The following BTD variants were observed in gnomAD, a reference collection of about 807,000 sequenced individuals.
The protein encoded by BTD is biotinidase.
In BTD, 13 loss-of-function variants were observed where a neutral mutation model predicts 17.7. That is an observed-to-expected ratio of 0.74 (90% confidence interval 0.48 to 1.17). The LOEUF is 1.17. BTD is among the 50% of genes most tolerant of loss of function. The probability of loss-of-function intolerance (pLI) is 0.00; values close to 1 mark genes in which losing one functional copy is unlikely to be tolerated. For missense variants in BTD, 674 were observed against 650.4 expected, an observed-to-expected ratio of 1.04 and a Z score of -0.39; for synonymous variants, 240 against 245.2, an observed-to-expected ratio of 0.98 and a Z score of 0.20.
exon 4 of BTD, among the ~76,000 whole-genome samples, chr3:15,712,431 A>G (rs917912624): frequency 2.0e-5 from 3 of 152,234 alleles, no homozygotes; most frequent in Non-Finnish European, 2.9e-5. Context: ...CACCTTCAGC[A>G]CTACTGTCAT....
At chr3:15,601,591 C>T (rs1421980831), upstream of BTD, 1 of 1,584,394 alleles carries the variant, frequency 6.3e-7, no homozygotes, top group Non-Finnish European at 8.6e-7. Context: ...GGGCAACCAA[C>T]TGCCTTAAAC....
chr3:15,700,221 C>T (rs111291195), intron 3 of BTD, among the ~76,000 whole-genome samples: 16 of 152,298 alleles, frequency 1.1e-4, no homozygotes, highest in African/African-American at 3.9e-4. Context: ...ACACACAACT[C>T]TCACTCTTAA....
Position 15,601,764 on chromosome 3 carries a change from A to G in BTD, c.-147A>G. The G allele has an allele frequency of 6.2e-7, 1 of 1,606,978 alleles. No homozygotes were observed. Among genetic ancestry groups the G allele is most frequent in the African/African-American group, 1.3e-5 (1 of 75,026 alleles). On this transcript the variant is annotated 5_prime_UTR_variant, in exon 1 of 4. Transcript: ENST00000643237. ...ACTAGCAGGAGATTGCTGCCTATGC[A>G]AAGCAGGTAAGAAGCCGAACTCTGA...
At chr3:15,617,583 G>A (rs1428914371) in intron 1 of BTD, among the ~76,000 whole-genome samples, 1 of 152,186 alleles carries the variant, frequency 6.6e-6, no homozygotes, top group Non-Finnish European at 1.5e-5. Flanking sequence ...GTTAACTATA[G>A]CCTGGTGTGC....
chr3:15,676,296 T>C (rs938089060), intron 3 of BTD: 6 of 246,870 alleles, frequency 2.4e-5, no homozygotes, highest in Non-Finnish European at 4.6e-5. Context: ...ACCATTGAAA[T>C]TGCATTCCTC....
chr3:15,614,931 C>A (rs1224129849), intron 1 of BTD, among the ~76,000 whole-genome samples: 2 of 152,112 alleles, frequency 1.3e-5, no homozygotes, highest in Non-Finnish European at 2.9e-5. Context: ...TTTTAGAGTC[C>A]TCTGAGTACT....
intron 3 of BTD, among the ~76,000 whole-genome samples, chr3:15,700,130 C>G (rs553199711): frequency 4.6e-5 from 7 of 152,336 alleles, no homozygotes; most frequent in Admixed American, 2.0e-4. Flanking sequence ...CAAACTATCA[C>G]AAGATCAGAA....
At chr3:15,614,868 A>G (rs1336105508) in intron 1 of BTD, among the ~76,000 whole-genome samples, 1 of 152,108 alleles carries the variant, frequency 6.6e-6, no homozygotes, top group Non-Finnish European at 1.5e-5. Context: ...AAGTGCTGGG[A>G]TTACAGGCAT....
chr3:15,686,040 C>A (rs2068086190), intron 3 of BTD: 3 of 1,613,720 alleles, frequency 1.9e-6, no homozygotes, highest in Non-Finnish European at 2.5e-6. Context: ...TTATCTTTGG[C>A]ATCTACATTT....
At chr3:15,626,717 C>A (rs2065073465) in intron 1 of BTD, among the ~76,000 whole-genome samples, 2 of 147,074 alleles carry the variant, frequency 1.4e-5, no homozygotes, top group African/African-American at 5.1e-5. Flanking sequence ...TTTGAGGCTG[C>A]TGTGAGCTAT....
downstream of BTD, among the ~76,000 whole-genome samples, chr3:15,655,871 C>T (rs1004610805): frequency 2.6e-5 from 4 of 152,134 alleles, no homozygotes; most frequent in African/African-American, 7.2e-5. Context: ...GGCATGATCT[C>T]GGCTCACTGC....
Position 15,635,778 on chromosome 3 carries a change from C to A in BTD, c.249+90C>A. The A allele has an allele frequency of 6.3e-7, 1 of 1,578,382 alleles. No homozygotes were observed. Among genetic ancestry groups the A allele is most frequent in the Non-Finnish European group, 8.7e-7 (1 of 1,152,850 alleles). The stretch of plus-strand genomic sequence containing the variant: ...CAGTGGTTGGGTAATCCCAGGCTTC[C>A]TACCACCCTCTGAAAAAGCATCCAG... On this transcript the variant is annotated intron_variant, in intron 2 of 3. Transcript: ENST00000643237. The surrounding 1 kb of genome is among the most constrained non-coding windows in gnomAD (Gnocchi z 4.1).
intron 1 of BTD, chr3:15,630,134 A>C: frequency 1.0e-6 from 1 of 961,844 alleles, no homozygotes; most frequent in Non-Finnish European, 1.2e-6. Context: ...AGTAAAAAAC[A>C]GCTTTCATGA....
At chr3:15,636,236 G>T (rs914009373) in intron 2 of BTD, among the ~76,000 whole-genome samples, 2 of 152,196 alleles carry the variant, frequency 1.3e-5, no homozygotes, top group African/African-American at 2.4e-5. Context: ...GTAAGCATCT[G>T]CAAGAATGCC....
chr3:15,618,892 T>C (rs2064869821), intron 1 of BTD, among the ~76,000 whole-genome samples: 1 of 152,226 alleles, frequency 6.6e-6, no homozygotes, highest in Non-Finnish European at 1.5e-5. Context: ...AAATTGATGT[T>C]TGCATATGAA....
chr3:15,662,680 C>G (rs960849184), intron 3 of BTD, among the ~76,000 whole-genome samples: 4 of 152,010 alleles, frequency 2.6e-5, no homozygotes, highest in African/African-American at 7.2e-5. Context: ...TGTTCCTGAT[C>G]TTAGAGTGCA....
intron 3 of BTD, chr3:15,675,867 G>A: frequency 6.5e-7 from 1 of 1,532,064 alleles, no homozygotes; most frequent in Non-Finnish European, 8.9e-7. Context: ...AAAGCTCTAG[G>A]TTAAGGGAAG....
rs1430389378 is a variant in BTD at position 15,670,418 on chromosome 3, T to C, written c.399+28361T>C. The C allele has an allele frequency of 2.5e-6, 4 of 1,613,960 alleles. No homozygotes were observed. ...TTCAAAGCTGACTGTTTTTGAGGTG[T>C]TGGTATAACGGTTAATGGCATTGAA... On this transcript the variant is annotated intron_variant, in intron 3 of 3. Coordinates refer to the BTD transcript ENST00000672141.
At position 15,645,976 on chromosome 3, in the gene BTD, T is replaced by G. The variant is rs2065685926; in HGVS notation, c.*488T>G. 6.5e-6 allele frequency: 1 copy of G among 153,912 alleles called. No homozygotes were observed. The highest frequency in any genetic ancestry group is 6.5e-5 in the Admixed American group (1 of 15,422). 9.5% of individuals were successfully genotyped at this position (153,912 alleles called of 1,614,324 possible). The stretch of plus-strand genomic sequence containing the variant: ...TAGAAATGGCCCTTGTGGGGAACCT[T>G]CCCATTCTGGTCGACCAGAACTCTA... On this transcript the variant is annotated 3_prime_UTR_variant, in exon 4 of 4. Coordinates refer to ENST00000643237, the MANE Select transcript of BTD (RefSeq NM_001370658.1).
Sources: allele counts gnomAD v4.1 joint callset (sites outside exome capture counted in the v4.1 genomes callset), GRCh38; gene constraint gnomAD v4.1.1; non-coding constraint Gnocchi (gnomAD v3.1); transcripts MANE v1.5; gene names NCBI Gene and HGNC (gene_info 2026-07-23, HGNC 2026-07-21).